Variants in NT5DC1 observed in about 807,000 individuals in gnomAD.
The protein encoded by NT5DC1 is 5'-nucleotidase domain-containing protein 1.
A neutral mutation model predicts 59.4 loss-of-function variants in NT5DC1; 42 were observed. That is an observed-to-expected ratio of 0.71 (90% CI 0.55 to 0.92). The LOEUF (loss-of-function observed/expected upper bound fraction) is 0.92, where lower values mean the gene tolerates loss of function less well. NT5DC1 is among the 40% of genes least tolerant of loss of function. The probability of loss-of-function intolerance (pLI) is 0.00; values close to 1 mark genes in which losing one functional copy is unlikely to be tolerated. For missense variants in NT5DC1, 501 were observed against 537.1 expected, an observed-to-expected ratio of 0.93 and a Z score of 0.66; for synonymous variants, 172 against 188.1, an observed-to-expected ratio of 0.91 and a Z score of 0.70.
At chr6:116,217,769 A>G (rs1258660080) in intron 6 of NT5DC1, among the ~76,000 whole-genome samples, 1 of 152,144 alleles carries the variant, frequency 6.6e-6, no homozygotes, top group Non-Finnish European at 1.5e-5. Context: ...GCAGAAAGAT[A>G]TATTTCTTGC....
At chr6:116,163,137 A>ACAT (rs1554197055) in intron 6 of NT5DC1, among the ~76,000 whole-genome samples, 16 of 105,420 alleles carry the variant, frequency 1.5e-4, no homozygotes, top group Non-Finnish European at 2.7e-4. Flanking sequence ...AAAAAAAAAA[A>ACAT]AAAAATATAT....
At chr6:116,183,122 G>T (rs1283786841) in intron 6 of NT5DC1, among the ~76,000 whole-genome samples, 1 of 152,018 alleles carries the variant, frequency 6.6e-6, no homozygotes, top group East Asian at 1.9e-4. Context: ...ACCATTTGTT[G>T]AATAGGGTAT....
chr6:116,118,416 C>T (rs1231980906), intron 6 of NT5DC1, among the ~76,000 whole-genome samples: 1 of 152,184 alleles, frequency 6.6e-6, no homozygotes, highest in Non-Finnish European at 1.5e-5. Context: ...TTTCCAATCA[C>T]AGCTTTGCTT....
At chr6:116,126,643 G>C (rs190762725) in intron 6 of NT5DC1, among the ~76,000 whole-genome samples, 512 of 151,968 alleles carry the variant, frequency 3.4e-3, no homozygotes, top group African/African-American at 0.011. Flanking sequence ...ATTACTTTTA[G>C]GCTTTTAGGA....
chr6:116,121,756 T>C lies in NT5DC1; in HGVS notation c.529+3811T>C. ...CATCTCCTTTTGGTCCATATGGTCCTCTCTCTCCTGGTTTTCCTGGGAGTC... is the reference window on the plus strand; with the variant it reads ...CATCTCCTTTTGGTCCATATGGTCCCCTCTCTCCTGGTTTTCCTGGGAGTC... On this transcript the variant is annotated intron_variant, in intron 6 of 11. Transcript: ENST00000319550. 6.2e-7 allele frequency: 1 copy of C among 1,613,804 alleles called. No individual in the cohort carries two copies. The highest frequency in any genetic ancestry group is 8.5e-7 in the Non-Finnish European group (1 of 1,179,948).
intron 11 of NT5DC1, among the ~76,000 whole-genome samples, chr6:116,242,061 C>A (rs1464945143): frequency 6.6e-6 from 1 of 151,602 alleles, no homozygotes; most frequent in Non-Finnish European, 1.5e-5. Flanking sequence ...CAATTAATAG[C>A]CAATTTTAAA....
chr6:116,101,736 C>A (rs1038191393), intron 1 of NT5DC1, among the ~76,000 whole-genome samples: 18 of 152,176 alleles, frequency 1.2e-4, no homozygotes, highest in African/African-American at 4.3e-4. Flanking sequence ...AGTATGCATG[C>A]TTCCAGACCT....
chr6:116,163,941 C>T (rs1171584364), intron 6 of NT5DC1, among the ~76,000 whole-genome samples: 1 of 152,002 alleles, frequency 6.6e-6, no homozygotes, highest in African/African-American at 2.4e-5. Flanking sequence ...TAATTTTATT[C>T]TGCTATATTC....
At chr6:116,218,977 T>G (rs1333816710) in intron 6 of NT5DC1, among the ~76,000 whole-genome samples, 1 of 152,098 alleles carries the variant, frequency 6.6e-6, no homozygotes, top group African/African-American at 2.4e-5. Context: ...TGGTTAGAGT[T>G]AGTCAGTGAC....
In NT5DC1 at chr6:116,163,957, G is replaced by A. The variant is rs9488856; in HGVS notation, c.529+46012G>A. Among the ~76,000 whole-genome samples, 866 of 152,196 alleles carry A rather than the reference G, an allele frequency of 5.7e-3. 17 individuals are homozygous for A. Among genetic ancestry groups the A allele is most frequent in the South Asian group, 0.046 (222 of 4,822 alleles). ...AATTTTATTCTGCTATATTCTGAGA[G>A]GATACCTGATATTATTTTGATTTTT... On this transcript the variant is annotated intron_variant, in intron 6 of 11. Transcript: ENST00000319550.
chr6:116,122,658 A>G (rs1283962113), intron 6 of NT5DC1, among the ~76,000 whole-genome samples: 1 of 152,260 alleles, frequency 6.6e-6, no homozygotes, highest in Non-Finnish European at 1.5e-5. Context: ...ACTAAAAATC[A>G]TAGTGCCTGT....
chr6:116,201,581 A>G (rs577696687), intron 6 of NT5DC1, among the ~76,000 whole-genome samples: 1 of 152,112 alleles, frequency 6.6e-6, no homozygotes, highest in Admixed American at 6.6e-5. Flanking sequence ...TGATGATATT[A>G]AAAGTCTTGG....
chr6:116,164,848 C>T lies in NT5DC1; in HGVS notation c.529+46903C>T, dbSNP rs555589129. On this transcript the variant is annotated intron_variant, in intron 6 of 11. Coordinates refer to ENST00000319550, the MANE Select transcript of NT5DC1 (RefSeq NM_152729.3). The stretch of plus-strand genomic sequence containing the variant: ...TTAAAAAGATACACGCTTTGGGAGG[C>T]CGAGGCAGGCAGATCATAAGGTCAG... Among the ~76,000 whole-genome samples the T allele has an allele frequency of 1.2e-4, 19 of 152,100 alleles. No individual in the cohort carries two copies. In the South Asian group the frequency reaches 3.3e-3, roughly 27 times the overall value.
chr6:116,184,180 C>T (rs1246376089), intron 6 of NT5DC1, among the ~76,000 whole-genome samples: 3 of 151,964 alleles, frequency 2.0e-5, no homozygotes, highest in African/African-American at 4.8e-5. Context: ...GTTTCTAATT[C>T]GGTTTATGTG....
intron 6 of NT5DC1, among the ~76,000 whole-genome samples, chr6:116,192,654 C>T (rs988461507): frequency 1.4e-4 from 22 of 151,976 alleles, no homozygotes; most frequent in African/African-American, 5.1e-4. Context: ...ATATGAAGTT[C>T]AAAACTTTGT....
intron 6 of NT5DC1, among the ~76,000 whole-genome samples, chr6:116,219,421 C>T (rs559632824): frequency 6.6e-6 from 1 of 152,252 alleles, no homozygotes; most frequent in Non-Finnish European, 1.5e-5. Context: ...TCTCATTTGC[C>T]ATGCCTGGGT....
intron 6 of NT5DC1, among the ~76,000 whole-genome samples, chr6:116,178,318 G>A (rs1780799068): frequency 6.6e-6 from 1 of 152,158 alleles, no homozygotes; most frequent in Admixed American, 6.5e-5. Context: ...GGCGCATTCA[G>A]GGTGGTATGG....
chr6:116,132,882 T>G (rs1779504115), intron 6 of NT5DC1, among the ~76,000 whole-genome samples: 1 of 152,124 alleles, frequency 6.6e-6, no homozygotes, highest in East Asian at 1.9e-4. Flanking sequence ...AAAAGAACAT[T>G]CTTAGGTGCC....
intron 6 of NT5DC1, chr6:116,125,558 TTTTA>T (rs947248245): frequency 2.0e-5 from 31 of 1,551,330 alleles, no homozygotes; most frequent in Middle Eastern, 3.4e-4. Context: ...TAACCTATTT[TTTTA>T]TTCTCATGTT....
Sources: gnomAD v4.1 joint callset for allele counts (sites outside exome capture counted in the v4.1 genomes callset) on GRCh38, gnomAD v4.1.1 for gene constraint, MANE v1.5 for transcripts, NCBI Gene and HGNC (gene_info 2026-07-23, HGNC 2026-07-21) for gene names.